Variants in SAMMSON observed in about 807,000 individuals in gnomAD.
SAMMSON encodes survival associated mitochondrial melanoma specific oncogenic non-coding RNA.
Position 70,051,060 on chromosome 3 carries a change from A to G in SAMMSON, n.418-20416A>G, listed in dbSNP as rs183183540. Reference sequence around the variant, plus strand: ...CAGAGGCAGGAGATTGCTTGAACCCAGGAGATGGAGGTTGGAGTGAGCCAA... The same window carrying G: ...CAGAGGCAGGAGATTGCTTGAACCCGGGAGATGGAGGTTGGAGTGAGCCAA... On this transcript the variant is annotated intron_variant and non_coding_transcript_variant, in intron 3 of 9. Transcript: ENST00000642114. Among the ~76,000 whole-genome samples the G allele has an allele frequency of 2.9e-5, 4 of 137,292 alleles. No homozygotes were observed. In the East Asian group the frequency reaches 1.0e-3, roughly 34 times the overall value. The allele number at this position is 137,292 out of a possible 152,430, so 90.1% of individuals were successfully genotyped here. A position where few individuals can be genotyped will look rare whatever the true frequency, so the allele number is the denominator to read the frequency against.
At chr3:70,329,658 G>T (rs755165434) in intron 7 of SAMMSON, among the ~76,000 whole-genome samples, 3 of 151,872 alleles carry the variant, frequency 2.0e-5, no homozygotes, top group Non-Finnish European at 2.9e-5. Flanking sequence ...ATGAGAATAT[G>T]AATTCTGGCA....
At chr3:70,024,971 G>A (rs1404925560) in intron 3 of SAMMSON, 1 of 152,138 alleles carries the variant, frequency 6.6e-6, no homozygotes, top group Non-Finnish European at 1.5e-5. Flanking sequence ...TCATGAGCTT[G>A]CCCCATTCTT....
intron 4 of SAMMSON, among the ~76,000 whole-genome samples, chr3:70,228,394 A>G (rs1306229908): frequency 6.6e-6 from 1 of 152,028 alleles, no homozygotes; most frequent in African/African-American, 2.4e-5. Flanking sequence ...CTCAGAAGGA[A>G]TTGTTGTCTT....
intron 2 of SAMMSON, among the ~76,000 whole-genome samples, chr3:70,417,529 G>A (rs1336360663): frequency 6.6e-6 from 1 of 152,142 alleles, no homozygotes; most frequent in Non-Finnish European, 1.5e-5. Flanking sequence ...AAATGGAAAT[G>A]TATTTCACCA....
intron 4 of SAMMSON, among the ~76,000 whole-genome samples, chr3:70,232,404 A>G (rs1291417649): frequency 1.4e-5 from 2 of 145,060 alleles, no homozygotes; most frequent in African/African-American, 2.5e-5. Flanking sequence ...TGATGTTCCT[A>G]TTTTTTTTTT....
At chr3:70,262,418 G>A (rs1265992497) in intron 6 of SAMMSON, among the ~76,000 whole-genome samples, 4 of 152,088 alleles carry the variant, frequency 2.6e-5, no homozygotes, top group East Asian at 1.9e-4. Context: ...TAAAAGATGC[G>A]GATGCATTCT....
intron 6 of SAMMSON, among the ~76,000 whole-genome samples, chr3:70,288,968 G>T (rs1268587506): frequency 6.6e-6 from 1 of 151,964 alleles, no homozygotes; most frequent in East Asian, 1.9e-4. Flanking sequence ...CACGTGAGAT[G>T]GGTTTCCTGA....
At chr3:70,359,727 G>A (rs1033071349) in intron 9 of SAMMSON, among the ~76,000 whole-genome samples, 6 of 152,098 alleles carry the variant, frequency 3.9e-5, no homozygotes, top group Non-Finnish European at 5.9e-5. Context: ...GCTTATTGCT[G>A]ATACAGAGAT....
chr3:70,178,121 C>G (rs951058598), intron 4 of SAMMSON, among the ~76,000 whole-genome samples: 3 of 152,068 alleles, frequency 2.0e-5, no homozygotes, highest in African/African-American at 7.2e-5. Context: ...TATATCACCC[C>G]CCTTCCCCCA....
intron 9 of SAMMSON, among the ~76,000 whole-genome samples, chr3:70,368,602 C>G (rs1412348788): frequency 6.6e-6 from 1 of 151,570 alleles, no homozygotes; most frequent in Admixed American, 6.6e-5. Flanking sequence ...CATCCATTTT[C>G]TAATGCCATT....
chr3:70,012,482 G>T (rs2066962114), exon 2 of SAMMSON: 1 of 152,164 alleles, frequency 6.6e-6, no homozygotes, highest in Non-Finnish European at 1.5e-5. Flanking sequence ...CGAAAACCAA[G>T]AATGTGGGAA....
At chr3:70,295,947 G>A (rs1427030152) in intron 7 of SAMMSON, among the ~76,000 whole-genome samples, 4 of 152,102 alleles carry the variant, frequency 2.6e-5, no homozygotes, top group Non-Finnish European at 5.9e-5. Context: ...GCTAAATTAT[G>A]TGTAGAAATA....
At chr3:70,016,926 G>T (rs968557339) in intron 3 of SAMMSON, among the ~76,000 whole-genome samples, 3 of 152,204 alleles carry the variant, frequency 2.0e-5, no homozygotes, top group Middle Eastern at 3.4e-3. Context: ...TAAGGGCTCT[G>T]TTCTGTTCCA....
At chr3:70,073,297 A>G (rs957206257) in intron 4 of SAMMSON, among the ~76,000 whole-genome samples, 7 of 152,084 alleles carry the variant, frequency 4.6e-5, no homozygotes, top group African/African-American at 1.2e-4. Flanking sequence ...TTTTGAGCCC[A>G]TGTATAGAAG....
chr3:70,163,175 AT>A, intron 4 of SAMMSON, among the ~76,000 whole-genome samples: 1 of 149,446 alleles, frequency 6.7e-6, no homozygotes, highest in Non-Finnish European at 1.5e-5. Context: ...ATTTATTTTT[AT>A]TTTGCTATTT....
intron 7 of SAMMSON, among the ~76,000 whole-genome samples, chr3:70,325,891 C>A (rs971532188): frequency 6.6e-6 from 1 of 152,268 alleles, no homozygotes. Context: ...AACTGATAAA[C>A]CCCTTCTAGA....
chr3:70,352,140 C>T (rs912999256), intron 7 of SAMMSON, among the ~76,000 whole-genome samples: 16 of 149,240 alleles, frequency 1.1e-4, no homozygotes, highest in South Asian at 2.1e-4. Context: ...TGAACCTATA[C>T]GTTCAAGAAG....
At chr3:70,094,477 C>G (rs1021999527) in intron 4 of SAMMSON, among the ~76,000 whole-genome samples, 10 of 152,292 alleles carry the variant, frequency 6.6e-5, no homozygotes, top group Middle Eastern at 6.8e-3. Context: ...CTAAAATTCT[C>G]TGCACTGTCT....
chr3:70,096,352 T>G (rs1184445227), intron 4 of SAMMSON, among the ~76,000 whole-genome samples: 2 of 152,178 alleles, frequency 1.3e-5, no homozygotes, highest in East Asian at 3.9e-4. Flanking sequence ...GAGACCAGCC[T>G]GGGCAACATA....
Sources: allele counts gnomAD v4.1 joint callset (sites outside exome capture counted in the v4.1 genomes callset), GRCh38; gene constraint gnomAD v4.1.1; transcripts MANE v1.5; gene names NCBI Gene and HGNC (gene_info 2026-07-23, HGNC 2026-07-21).